PLCZ1: variants seen among roughly 807,000 people sequenced by gnomAD.
PLCZ1 encodes the protein 1-phosphatidylinositol 4,5-bisphosphate phosphodiesterase zeta-1.
A neutral mutation model predicts 76.8 loss-of-function variants in PLCZ1; 64 were observed. The observed-to-expected ratio is 0.83, with a 90% CI of 0.68 to 1.03. The LOEUF (loss-of-function observed/expected upper bound fraction) is 1.03. Ranked by LOEUF, PLCZ1 falls within the 50% of genes least tolerant of loss-of-function variation. PLCZ1 has a pLI of 0.00. For missense variants in PLCZ1, 751 were observed against 713.7 expected, an observed-to-expected ratio of 1.05 and a Z score of -0.60; for synonymous variants, 248 against 230.8, an observed-to-expected ratio of 1.07 and a Z score of -0.68.
At chr12:18,693,197 C>T (rs1315851437) in intron 12 of PLCZ1, 3 of 1,565,696 alleles carry the variant, frequency 1.9e-6, no homozygotes, top group Non-Finnish European at 2.6e-6. Flanking sequence ...CATTTGCAGA[C>T]AAGGATCTTC....
intron 10 of PLCZ1, among the ~76,000 whole-genome samples, chr12:18,697,286 A>C (rs1955202982): frequency 6.6e-6 from 1 of 152,166 alleles, no homozygotes. Context: ...TAAAAATTAC[A>C]GTTAATTTTA....
chr12:18,730,359 A>G (rs1009589606), intron 3 of PLCZ1, among the ~76,000 whole-genome samples: 13 of 152,164 alleles, frequency 8.5e-5, no homozygotes, highest in African/African-American at 3.1e-4. Context: ...TACTTAATCA[A>G]CATTTTAATG....
At chr12:18,737,293 C>G in intron 2 of PLCZ1, 68 bp downstream of exon 2, 3 of 1,524,224 alleles carry the variant, frequency 2.0e-6, no homozygotes, top group Non-Finnish European at 2.7e-6. Flanking sequence ...AAAAGAATAA[C>G]AGCATCAAGT....
At chr12:18,726,998 G>A (rs1351078625) in intron 3 of PLCZ1, among the ~76,000 whole-genome samples, 1 of 152,064 alleles carries the variant, frequency 6.6e-6, no homozygotes, top group East Asian at 1.9e-4. Flanking sequence ...GTGCCCTCTG[G>A]AAGCAGATAG....
At chr12:18,716,240 C>T (rs1249044069) in intron 5 of PLCZ1, among the ~76,000 whole-genome samples, 1 of 151,522 alleles carries the variant, frequency 6.6e-6, no homozygotes, top group Non-Finnish European at 1.5e-5. Context: ...GAGCTTTTTA[C>T]TTGGGGTGGG....
At chr12:18,646,523 A>C in the PLCZ1 span, among the ~76,000 whole-genome samples, 1 of 152,152 alleles carries the variant, frequency 6.6e-6, no homozygotes, top group Non-Finnish European at 1.5e-5. Flanking sequence ...TTGATAACGT[A>C]ATGAAAGGTA....
chr12:18,710,064 G>C (rs747881298), intron 6 of PLCZ1, among the ~76,000 whole-genome samples: 2 of 151,362 alleles, frequency 1.3e-5, no homozygotes, highest in Non-Finnish European at 2.9e-5. Context: ...GTGTGGAATC[G>C]TTGGGCTTTT....
chr12:18,687,920 C>G (rs1591995313), intron 13 of PLCZ1, among the ~76,000 whole-genome samples, 169 bp downstream of exon 13: 1 of 151,900 alleles, frequency 6.6e-6, no homozygotes, highest in South Asian at 2.1e-4. Context: ...ACAACCTAAT[C>G]ATTATAAAAA....
At chr12:18,716,678 G>A (rs991822558) in intron 5 of PLCZ1, among the ~76,000 whole-genome samples, 15 of 151,920 alleles carry the variant, frequency 9.9e-5, no homozygotes, top group African/African-American at 3.6e-4. Context: ...AGAACTTTGT[G>A]GTATGAAATT....
Position 18,696,197 on chromosome 12 carries a change from G to A in PLCZ1, c.1244C>T (p.Ser415Phe). Residue 415 changes from serine to phenylalanine, a missense_variant, in exon 11 of 15, where the codon TCT (serine) becomes TTT (phenylalanine). Physicochemically the swap from Ser to Phe is radical, Grantham distance 155 (BLOSUM62 -2). Transcript: ENST00000266505. ...RIYPKATRAD[S>F]SNFNPQEFWN... Reference sequence around the variant, plus strand: ...AAATTCTTGGGGATTAAAATTAGAAGAGTCTGCTCTTGTTGCTTTGGGATA... The same window carrying A: ...AAATTCTTGGGGATTAAAATTAGAAAAGTCTGCTCTTGTTGCTTTGGGATA... 1.3e-6 allele frequency: 2 copies of A among 1,599,766 alleles called. No individual in the cohort carries two copies. The highest frequency in any genetic ancestry group is 1.7e-6 in the Non-Finnish European group (2 of 1,169,972).
chr12:18,729,985 T>C (rs935149435), intron 3 of PLCZ1, among the ~76,000 whole-genome samples: 3 of 152,166 alleles, frequency 2.0e-5, no homozygotes, highest in East Asian at 1.9e-4. Context: ...ATTGAGCACC[T>C]ATTTTGTGTC....
At chr12:18,671,464 A>G in the PLCZ1 span, among the ~76,000 whole-genome samples, 1 of 152,098 alleles carries the variant, frequency 6.6e-6, no homozygotes, top group Non-Finnish European at 1.5e-5. Context: ...AGAAAACCTG[A>G]ACCTAAAGAA....
the PLCZ1 span, among the ~76,000 whole-genome samples, chr12:18,676,129 G>T: frequency 6.6e-6 from 1 of 152,050 alleles, no homozygotes; most frequent in Non-Finnish European, 1.5e-5. Context: ...GCCATCTTGG[G>T]ACTGTGAGGC....
rs775996737 is a variant in PLCZ1, at chr12:18,723,310, C to A, written c.367+1G>T. The A allele has an allele frequency of 6.2e-7, 1 of 1,607,330 alleles. No homozygotes were observed. Among genetic ancestry groups the A allele is most frequent in the Non-Finnish European group, 8.5e-7 (1 of 1,175,340 alleles). The stretch of plus-strand genomic sequence containing the variant: ...GATAAAAGTTTGAAATGCAAACATA[C>A]CTTCTTCGATAGGCTCGTATTTCTG... On this transcript the variant is annotated splice_donor_variant, in intron 4 of 14. Transcript: ENST00000266505. LOFTEE classifies it high-confidence loss of function.
At chr12:18,674,633 A>T in the PLCZ1 span, among the ~76,000 whole-genome samples, 78 of 152,350 alleles carry the variant, frequency 5.1e-4, no homozygotes, top group African/African-American at 1.8e-3. Context: ...GCATTATAGT[A>T]GATGAAACAT....
At chr12:18,707,988 C>A (rs1376562281) in intron 6 of PLCZ1, among the ~76,000 whole-genome samples, 1 of 152,160 alleles carries the variant, frequency 6.6e-6, no homozygotes, top group African/African-American at 2.4e-5. Flanking sequence ...TCCATCATTT[C>A]ACAGTTACCC....
rs2137240112 is a variant in PLCZ1, at chr12:18,699,888, T to C, written c.1080A>G (p.Lys360=). 6.2e-7 allele frequency: 1 copy of C among 1,612,850 alleles called. No homozygotes were observed. Among genetic ancestry groups the C allele is most frequent in the Non-Finnish European group, 8.5e-7 (1 of 1,179,466 alleles). The part of the protein sequence containing the change: ...SDLVIYTKAE[K]FKSFQHSRLY... ...ATCTTGAATGTTGAAAGCTTTTGAA[T>C]TTCTCAGCTTTCGTATAAATGACAA... Residue 360 remains lysine, a synonymous_variant, in exon 10 of 15, where the codon AAA becomes AAG. Coordinates refer to ENST00000266505, the MANE Select transcript of PLCZ1 (RefSeq NM_033123.4).
chr12:18,717,881 C>T (rs1279415281), intron 5 of PLCZ1, among the ~76,000 whole-genome samples: 2 of 152,118 alleles, frequency 1.3e-5, no homozygotes, highest in South Asian at 2.1e-4. Context: ...CAGTGGAAAT[C>T]GCATTTCGAA....
intron 3 of PLCZ1, among the ~76,000 whole-genome samples, chr12:18,733,276 C>T (rs1408233226): frequency 6.6e-6 from 1 of 152,170 alleles, no homozygotes; most frequent in East Asian, 1.9e-4. Context: ...TATACAATCC[C>T]TTTGCACATT....
Sources: allele counts gnomAD v4.1 joint callset (sites outside exome capture counted in the v4.1 genomes callset), GRCh38; gene constraint gnomAD v4.1.1; transcripts MANE v1.5; gene names NCBI Gene and HGNC (gene_info 2026-07-23, HGNC 2026-07-21).